The following ZNF292 variants were observed in gnomAD, a reference collection of about 807,000 sequenced individuals.
ZNF292 encodes the protein zinc finger protein 292.
In ZNF292, 26 loss-of-function variants were observed where a neutral mutation model predicts 217.9. The ratio of observed to expected loss-of-function variants is 0.12; its 90% CI spans 0.09 to 0.17. The LOEUF is 0.17. Ranked by LOEUF, ZNF292 falls within the 10% of genes least tolerant of loss-of-function variation. ZNF292 has a pLI of 1.00. For synonymous variants in ZNF292, 1,257 were observed against 1,124.1 expected (o/e 1.12, Z -2.37); for missense variants, 2,904 against 3,175.2 (o/e 0.91, Z 2.05).
At chr6:87,226,652 TATATATAG>T (rs201588025) in intron 4 of ZNF292, among the ~76,000 whole-genome samples, 21,351 of 138,268 alleles carry the variant, frequency 0.15, 2,384 homozygotes, top group African/African-American at 0.31. Flanking sequence ...TATATCTATA[TATATATAG>T]ATATATAGAT....
At chr6:87,206,468 G>A (rs1772256807) in intron 1 of ZNF292, among the ~76,000 whole-genome samples, 1 of 150,958 alleles carries the variant, frequency 6.6e-6, no homozygotes, top group African/African-American at 2.4e-5. Flanking sequence ...TTTATTTTCT[G>A]AATCCTTTAA....
Position 87,240,709 on chromosome 6 carries a change from C to T in ZNF292, c.742-2766C>T, listed in dbSNP as rs139119137. On this transcript the variant is annotated intron_variant, in intron 5 of 7. Coordinates refer to ENST00000369577, the MANE Select transcript of ZNF292 (RefSeq NM_015021.3). The stretch of plus-strand genomic sequence containing the variant: ...TGCTGGAATTTCAGGCGTGAGCCAC[C>T]GGGCCCAGCCTAAGAGTGGCTTAGG... Among the ~76,000 whole-genome samples, 569 of 152,170 alleles carry T rather than the reference C, an allele frequency of 3.7e-3. 2 individuals are homozygous for T. Among genetic ancestry groups the T allele is most frequent in the African/African-American group, 0.013 (531 of 41,508 alleles).
chr6:87,166,172 C>A (rs1044345739), intron 1 of ZNF292, among the ~76,000 whole-genome samples: 1 of 152,178 alleles, frequency 6.6e-6, no homozygotes, highest in South Asian at 2.1e-4. Flanking sequence ...GAACCCATTG[C>A]GCTCTCCCTC....
Position 87,233,446 on chromosome 6 carries a change from G to A in ZNF292, c.660G>A (p.Glu220=). 1 of 1,613,630 alleles carries A rather than the reference G, an allele frequency of 6.2e-7. No homozygotes were observed. Among genetic ancestry groups the A allele is most frequent in the South Asian group, 1.1e-5 (1 of 91,060 alleles). Residue 220 remains glutamate, a synonymous_variant, in exon 5 of 8, where the codon GAG becomes GAA. Transcript: ENST00000369577. Reference sequence around the variant, plus strand: ...CAAAGCTGTGTTCTGACCATCCAGAGATTGGCATAAAAGGTAGTTTTAAGC... The same window carrying A: ...CAAAGCTGTGTTCTGACCATCCAGAAATTGGCATAAAAGGTAGTTTTAAGC... ...ALAKLCSDHP[E]IGIKGSFKQT...
In ZNF292 at chr6:87,255,578, A is replaced by G; in HGVS notation, c.1949A>G (p.Asp650Gly). Residue 650 changes from aspartate to glycine, a missense_variant, in exon 8 of 8, where the codon GAC becomes GGC. Physicochemically the swap from Asp to Gly is moderately conservative, Grantham distance 94. Around this residue, in one of 15 missense-constraint regions of ZNF292, gnomAD observed 216 missense variants for 308.3 expected, o/e 0.70. Coordinates refer to ENST00000369577, the MANE Select transcript of ZNF292 (RefSeq NM_015021.3). ...LYSTDFIVFN[D>G]NDGSDDENDD... ...TCAACAGATTTTATAGTGTTTAATG[A>G]CAATGATGGTTCAGATGATGAGAAT... 1.9e-6 allele frequency: 3 copies of G among 1,610,956 alleles called. No homozygotes were observed. Among genetic ancestry groups the G allele is most frequent in the Non-Finnish European group, 2.5e-6 (3 of 1,178,244 alleles).
At chr6:87,176,656 G>A (rs1180949668) in intron 1 of ZNF292, among the ~76,000 whole-genome samples, 1 of 152,062 alleles carries the variant, frequency 6.6e-6, no homozygotes, top group East Asian at 1.9e-4. Context: ...CAACACTCAA[G>A]CATTTTTCCC....
In ZNF292 at chr6:87,229,966, G is replaced by T. The variant is rs77234649; in HGVS notation, c.539-3359G>T. 7.0e-3 allele frequency among the ~76,000 whole-genome samples: 1,043 copies of T among 148,514 alleles called. 9 individuals carry two copies. Among genetic ancestry groups the T allele is most frequent in the African/African-American group, 0.024 (990 of 40,736 alleles). ...TAGTCTGATTAGTGATTTGGGCTGG[G>T]TTGGGTTGGGTTGGGGGAGCAATAT... On this transcript the variant is annotated intron_variant, in intron 4 of 7. Transcript: ENST00000369577.
chr6:87,188,789 A>C (rs571511818), intron 1 of ZNF292, among the ~76,000 whole-genome samples: 96 of 144,320 alleles, frequency 6.7e-4, no homozygotes, highest in African/African-American at 2.3e-3. Flanking sequence ...CAGTGAATTA[A>C]ACTGTTTAAT....
chr6:87,209,113 T>C (rs112519261), intron 1 of ZNF292, among the ~76,000 whole-genome samples: 4,253 of 122,658 alleles, frequency 0.035, 340 homozygotes, highest in African/African-American at 0.1. Context: ...CACCCCCCCC[T>C]CCCCATTTTC....
chr6:87,169,530 A>G (rs946664928), intron 1 of ZNF292: 5 of 306,384 alleles, frequency 1.6e-5, no homozygotes, highest in Non-Finnish European at 3.3e-5. Flanking sequence ...GTCTAGCACT[A>G]ATTTTGATTT....
Position 87,245,499 on chromosome 6 carries a change from TAAGGGAAC to T in ZNF292, c.879-3_883del. Reference sequence around the variant, plus strand: ...TTTTCTTATTATAACTTTTTTTTTTTAAGGGAACTTACTCTCTTTTGGAGTAAATTACA... The same window carrying T: ...TTTTCTTATTATAACTTTTTTTTTTTTTACTCTCTTTTGGAGTAAATTACA... On this transcript the variant is annotated splice_acceptor_variant and splice_polypyrimidine_tract_variant and coding_sequence_variant and intron_variant, in exon 7 of 8. Transcript: ENST00000369577. LOFTEE classifies it high-confidence loss of function. The T allele has an allele frequency of 6.7e-7, 1 of 1,496,238 alleles. No individual in the cohort carries two copies. The highest frequency in any genetic ancestry group is 8.9e-7 in the Non-Finnish European group (1 of 1,125,068). The allele number at this position is 1,496,238 out of a possible 1,614,324, so 92.7% of individuals were successfully genotyped here.
rs1774654686 is a variant in ZNF292, at chr6:87,247,310, T to TGCATGCAC, written c.1020+1669_1020+1670insTGCACGCA. On this transcript the variant is annotated intron_variant, in intron 7 of 7. Transcript: ENST00000369577. The stretch of plus-strand genomic sequence containing the variant: ...GCACGCACGTGCATGCATGCATGCA[T>TGCATGCAC]GCACAATCACTACATGAAGCTGGAA... Among the ~76,000 whole-genome samples the TGCATGCAC allele has an allele frequency of 6.6e-5, 10 of 150,378 alleles. No individual in the cohort carries two copies. In the South Asian group the frequency reaches 2.1e-3, roughly 32 times the overall value.
At chr6:87,179,039 A>G (rs1342456601) in intron 1 of ZNF292, among the ~76,000 whole-genome samples, 2 of 152,104 alleles carry the variant, frequency 1.3e-5, no homozygotes, top group East Asian at 3.8e-4. Context: ...ATACATATTT[A>G]TGAACTATAG....
intron 1 of ZNF292, among the ~76,000 whole-genome samples, chr6:87,207,255 C>T (rs970590231): frequency 1.6e-4 from 25 of 152,244 alleles, no homozygotes; most frequent in South Asian, 1.2e-3. Context: ...TATATATGTA[C>T]TTTTTTAAGC....
At chr6:87,181,369 G>T (rs1322294764) in intron 1 of ZNF292, among the ~76,000 whole-genome samples, 1 of 152,148 alleles carries the variant, frequency 6.6e-6, no homozygotes, top group Non-Finnish European at 1.5e-5. Flanking sequence ...ATATTCAGGT[G>T]CCTCTTTCCT....
intron 1 of ZNF292, among the ~76,000 whole-genome samples, chr6:87,156,377 C>T (rs990596422): frequency 4.6e-5 from 7 of 152,196 alleles, no homozygotes; most frequent in Non-Finnish European, 1.0e-4. Context: ...GGGTGCTTGG[C>T]GGAGGTTGTC....
chr6:87,182,856 T>C (rs1252202388), intron 1 of ZNF292, among the ~76,000 whole-genome samples: 1 of 152,184 alleles, frequency 6.6e-6, no homozygotes, highest in Non-Finnish European at 1.5e-5. Context: ...CACCAGAATC[T>C]TTTTGAGAGA....
At chr6:87,212,391 C>T (rs1772530697) in intron 1 of ZNF292, among the ~76,000 whole-genome samples, 1 of 152,178 alleles carries the variant, frequency 6.6e-6, no homozygotes, top group African/African-American at 2.4e-5. Context: ...CCCTTTACCT[C>T]CTGCAAGACT....
At chr6:87,254,036 G>C (rs1775073536) in intron 7 of ZNF292, among the ~76,000 whole-genome samples, 1 of 152,144 alleles carries the variant, frequency 6.6e-6, no homozygotes. Flanking sequence ...CCATGAGGTA[G>C]GTAATTTGAC....
Sources: gnomAD v4.1 joint callset for allele counts (sites outside exome capture counted in the v4.1 genomes callset) on GRCh38, gnomAD v4.1.1 for gene constraint, gnomAD v4.1.1 regional missense constraint, MANE v1.5 for transcripts, NCBI Gene and HGNC (gene_info 2026-07-23, HGNC 2026-07-21) for gene names.